Variants in TMEM26 observed in about 807,000 individuals in gnomAD.
TMEM26 encodes the protein transmembrane protein 26.
TMEM26 carries 38 observed loss-of-function variants against 28.8 expected under a neutral mutation model. That is an observed-to-expected ratio of 1.32 (90% CI 1.02 to 1.73). The LOEUF is 1.73. TMEM26 is among the 40% of genes most tolerant of loss of function. The probability of loss-of-function intolerance (pLI) is 0.00; values close to 1 mark genes in which losing one functional copy is unlikely to be tolerated. For missense variants in TMEM26, 518 were observed against 447.1 expected, an observed-to-expected ratio of 1.16 and a Z score of -1.43; for synonymous variants, 227 against 182.9, an observed-to-expected ratio of 1.24 and a Z score of -1.95.
chr10:61,422,129 C>A (rs1446049279), intron 4 of TMEM26, among the ~76,000 whole-genome samples: 1 of 151,944 alleles, frequency 6.6e-6, no homozygotes, highest in Non-Finnish European at 1.5e-5. Flanking sequence ...ATTTTGCACA[C>A]CTACATACAG....
At chr10:61,428,266 C>A (rs911221021) in intron 4 of TMEM26, among the ~76,000 whole-genome samples, 1 of 152,004 alleles carries the variant, frequency 6.6e-6, no homozygotes, top group Non-Finnish European at 1.5e-5. Flanking sequence ...AAAGTCGTTC[C>A]GTAAACAGAT....
At chr10:61,436,542 C>T (rs1241300982) in intron 1 of TMEM26, among the ~76,000 whole-genome samples, 2 of 152,066 alleles carry the variant, frequency 1.3e-5, no homozygotes, top group African/African-American at 2.4e-5. Flanking sequence ...GGGACACTGC[C>T]AATTAGTTTC....
intron 1 of TMEM26, among the ~76,000 whole-genome samples, chr10:61,452,245 T>C (rs895664297): frequency 6.6e-6 from 1 of 152,220 alleles, no homozygotes; most frequent in Non-Finnish European, 1.5e-5. Context: ...GCTGGTCCCT[T>C]CACCAGCGTT....
intron 2 of TMEM26, among the ~76,000 whole-genome samples, chr10:61,432,882 T>C (rs1194479376): frequency 6.6e-6 from 1 of 152,076 alleles, no homozygotes; most frequent in African/African-American, 2.4e-5. Flanking sequence ...TTGCACACTT[T>C]GTGTGTGTGT....
intron 5 of TMEM26, among the ~76,000 whole-genome samples, chr10:61,412,622 G>T (rs1460390308): frequency 6.6e-6 from 1 of 152,138 alleles, no homozygotes; most frequent in Non-Finnish European, 1.5e-5. Context: ...GAAGTTTTCA[G>T]ATGACTCCAG....
chr10:61,415,596 G>A (rs992546789), intron 4 of TMEM26, among the ~76,000 whole-genome samples: 2 of 151,984 alleles, frequency 1.3e-5, no homozygotes, highest in African/African-American at 4.8e-5. Context: ...GAGGAAATTT[G>A]TCCAAAATAA....
In TMEM26 at chr10:61,410,218, C is replaced by T. The variant is rs2135282968; in HGVS notation, c.*104G>A. On this transcript the variant is annotated 3_prime_UTR_variant, in exon 6 of 6. Coordinates refer to ENST00000399298, the MANE Select transcript of TMEM26 (RefSeq NM_178505.8). ...TTTAAGATCACCTTTTTATGTTGTT[C>T]TTTTGAAAATTATTATACGCCAAGG... The T allele has an allele frequency of 7.8e-7, 1 of 1,287,624 alleles. No individual in the cohort carries two copies. Among genetic ancestry groups the T allele is most frequent in the Non-Finnish European group, 1.1e-6 (1 of 951,958 alleles). The allele number at this position is 1,287,624 out of a possible 1,614,324, so 79.8% of individuals were successfully genotyped here.
At chr10:61,431,379 A>T in intron 2 of TMEM26, 47 bp from the exon 3 acceptor site, 1 of 1,354,238 alleles carries the variant, frequency 7.4e-7, no homozygotes. Context: ...AATTAGCACA[A>T]TATGGTAGAG....
chr10:61,412,084 C>T (rs565417990), intron 5 of TMEM26, among the ~76,000 whole-genome samples: 4 of 152,240 alleles, frequency 2.6e-5, no homozygotes, highest in Admixed American at 1.3e-4. Flanking sequence ...AAGGTTATAT[C>T]AATGGTAGCC....
chr10:61,410,431 G>A lies in TMEM26; in HGVS notation c.998C>T (p.Ser333Phe). 6.2e-7 allele frequency: 1 copy of A among 1,614,120 alleles called. No individual in the cohort carries two copies. The highest frequency in any genetic ancestry group is 8.5e-7 in the Non-Finnish European group (1 of 1,180,030). Residue 333 changes from serine to phenylalanine, a missense_variant, in exon 6 of 6, where the codon TCT (serine) becomes TTT (phenylalanine). Ser to Phe is a radical substitution (Grantham distance 155, BLOSUM62 -2). Transcript: ENST00000399298. ...GTCCCGCTGAGAGGGCCCACTCTCA[G>A]AGGTCTGTGCCCGGCAACCATGTTC... ...KGEHGCRAQTSESGPSQRDWQ... is the reference protein window; with the variant it reads ...KGEHGCRAQTFESGPSQRDWQ...
chr10:61,429,751 C>G (rs1482013847), intron 3 of TMEM26, among the ~76,000 whole-genome samples: 1 of 151,996 alleles, frequency 6.6e-6, no homozygotes, highest in Non-Finnish European at 1.5e-5. Flanking sequence ...CATAAGCCAG[C>G]AAGCAAATTT....
Position 61,452,874 on chromosome 10 carries a change from T to C in TMEM26, c.191+17A>G, listed in dbSNP as rs1840312868. On this transcript the variant is annotated intron_variant, in intron 1 of 5. Transcript: ENST00000399298. Reference sequence around the variant, plus strand: ...CCTAGGGCCCCGTGCGCCCTCGCTTTCCCGGGGCACTCTCACCATTTGTAG... The same window carrying C: ...CCTAGGGCCCCGTGCGCCCTCGCTTCCCCGGGGCACTCTCACCATTTGTAG... 6.2e-7 allele frequency: 1 copy of C among 1,604,316 alleles called. No homozygotes were observed. The highest frequency in any genetic ancestry group is 2.2e-5 in the East Asian group (1 of 44,566).
intron 1 of TMEM26, among the ~76,000 whole-genome samples, chr10:61,442,032 A>G (rs188403781): frequency 6.7e-6 from 1 of 148,286 alleles, no homozygotes; most frequent in African/African-American, 2.6e-5. Flanking sequence ...TTAAAAATTC[A>G]TTTGTTTTGT....
intron 1 of TMEM26, among the ~76,000 whole-genome samples, chr10:61,443,554 A>G (rs1434531911): frequency 6.6e-6 from 1 of 152,172 alleles, no homozygotes; most frequent in East Asian, 1.9e-4. Flanking sequence ...AGAAGAGACA[A>G]GGAGGAACTT....
chr10:61,445,355 A>G (rs1840162204), intron 1 of TMEM26, among the ~76,000 whole-genome samples: 1 of 152,044 alleles, frequency 6.6e-6, no homozygotes, highest in African/African-American at 2.4e-5. Context: ...TACAGGAACA[A>G]CCCCACCCCC....
intron 1 of TMEM26, chr10:61,452,587 A>G (rs997060456): frequency 2.4e-5 from 8 of 326,958 alleles, no homozygotes; most frequent in Non-Finnish European, 4.1e-5. Context: ...ATTTGCGGGC[A>G]CATTCAGCAA....
chr10:61,452,188 G>A (rs1840295963), intron 1 of TMEM26, among the ~76,000 whole-genome samples: 1 of 152,178 alleles, frequency 6.6e-6, no homozygotes, highest in Non-Finnish European at 1.5e-5. Context: ...AGCACCACAC[G>A]TGGCGTGTAG....
chr10:61,431,324 A>G lies in TMEM26; in HGVS notation c.279T>C (p.Ser93=), dbSNP rs1839919240. 6.2e-7 allele frequency: 1 copy of G among 1,612,740 alleles called. No homozygotes were observed. The highest frequency in any genetic ancestry group is 1.7e-5 in the Admixed American group (1 of 59,980). Residue 93 remains serine (S), a synonymous_variant, in exon 3 of 6, where the codon AGT becomes AGC. Transcript: ENST00000399298. ...TCTGTGATGTTCCTTCAGCCTGGAT[A>G]CTGCAATACTAAGAATGGGGTCAGG... ...LELHHETQYC[S]IQAEGTSQNT...
chr10:61,409,569 A>T lies in TMEM26; in HGVS notation c.*753T>A, dbSNP rs1839537775. The T allele has an allele frequency of 6.6e-6, 1 of 152,262 alleles. No individual in the cohort carries two copies. Among genetic ancestry groups the T allele is most frequent in the Non-Finnish European group, 1.5e-5 (1 of 68,080 alleles). 9.4% of individuals were successfully genotyped at this position (152,262 alleles called of 1,614,324 possible). Reference sequence around the variant, plus strand: ...AGAAAAATACTGATGAACACTGCAAATCATGTTCAGAGTAGAAATTGTGAC... The same window carrying T: ...AGAAAAATACTGATGAACACTGCAATTCATGTTCAGAGTAGAAATTGTGAC... On this transcript the variant is annotated 3_prime_UTR_variant, in exon 6 of 6. Coordinates refer to ENST00000399298, the MANE Select transcript of TMEM26 (RefSeq NM_178505.8).
Sources: allele counts gnomAD v4.1 joint callset (sites outside exome capture counted in the v4.1 genomes callset), GRCh38; gene constraint gnomAD v4.1.1; transcripts MANE v1.5; gene names NCBI Gene and HGNC (gene_info 2026-07-23, HGNC 2026-07-21).